RNF111: variants seen among roughly 807,000 people sequenced by gnomAD.
RNF111 encodes ring finger protein 111.
RNF111 carries 17 observed loss-of-function variants against 95.1 expected under a neutral mutation model. The observed-to-expected ratio is 0.18, with a 90% CI of 0.12 to 0.27. The LOEUF (loss-of-function observed/expected upper bound fraction) is 0.27, where lower values mean the gene tolerates loss of function less well. Ranked by LOEUF, RNF111 falls within the 10% of genes least tolerant of loss-of-function variation. The pLI is 1.00. For missense variants in RNF111, 1,189 were observed against 1,210.4 expected (o/e 0.98, Z 0.26); for synonymous variants, 440 against 414.8 (o/e 1.06, Z -0.74).
chr15:59,035,969 T>C (rs2041157051), intron 2 of RNF111, among the ~76,000 whole-genome samples: 1 of 152,224 alleles, frequency 6.6e-6, no homozygotes, highest in Admixed American at 6.5e-5. Context: ...TTTTCAGATA[T>C]CTTTACAGAA....
intron 1 of RNF111, among the ~76,000 whole-genome samples, chr15:59,012,221 G>T (rs2039858233): frequency 6.6e-6 from 1 of 151,908 alleles, no homozygotes; most frequent in Non-Finnish European, 1.5e-5. Flanking sequence ...GTTTCACTGT[G>T]TTGGCCAGGC....
chr15:58,997,121 G>C (rs2039110403), intron 1 of RNF111, among the ~76,000 whole-genome samples: 2 of 151,964 alleles, frequency 1.3e-5, no homozygotes, highest in South Asian at 2.1e-4. Flanking sequence ...TATATACAAA[G>C]TGTACCAAAT....
intron 1 of RNF111, among the ~76,000 whole-genome samples, chr15:59,001,217 A>G (rs1222264833): frequency 6.6e-6 from 1 of 152,034 alleles, no homozygotes; most frequent in Non-Finnish European, 1.5e-5. Flanking sequence ...CTGGGGCTTT[A>G]GTGGAGTAGG....
chr15:59,088,278 G>C (rs1161168747), intron 10 of RNF111, among the ~76,000 whole-genome samples: 1 of 152,162 alleles, frequency 6.6e-6, no homozygotes, highest in Non-Finnish European at 1.5e-5. Context: ...ATCCATAAAG[G>C]CTGGAGGAAA....
At chr15:59,067,362 C>A (rs1280152568) in intron 6 of RNF111, among the ~76,000 whole-genome samples, 1 of 151,850 alleles carries the variant, frequency 6.6e-6, no homozygotes, top group Non-Finnish European at 1.5e-5. Context: ...TTTCCCTTCC[C>A]CTTCCCCTTC....
At chr15:58,997,055 G>C (rs1037768124) in intron 1 of RNF111, among the ~76,000 whole-genome samples, 8 of 151,722 alleles carry the variant, frequency 5.3e-5, no homozygotes, top group Non-Finnish European at 5.9e-5. Flanking sequence ...TTTTTACTTA[G>C]TTTTCATGTC....
At chr15:59,055,933 T>G (rs2042183813) in intron 4 of RNF111, 88 bp downstream of exon 4, 1 of 975,424 alleles carries the variant, frequency 1.0e-6, no homozygotes, top group Non-Finnish European at 1.4e-6. Context: ...TCCTGCTTAC[T>G]GGTAATATAT....
chr15:59,032,820 A>G (rs1199023614), intron 2 of RNF111, among the ~76,000 whole-genome samples: 1 of 152,214 alleles, frequency 6.6e-6, no homozygotes, highest in Non-Finnish European at 1.5e-5. Flanking sequence ...TGATACATCA[A>G]TTAAAATTGG....
intron 12 of RNF111, 90 bp downstream of exon 12, chr15:59,091,244 G>A (rs2079044041): frequency 1.5e-6 from 1 of 688,584 alleles, no homozygotes; most frequent in Non-Finnish European, 2.4e-6. Context: ...CTCTAGCAAT[G>A]ACATTTTTAT....
intron 2 of RNF111, among the ~76,000 whole-genome samples, chr15:59,042,807 C>T (rs1229506869): frequency 6.6e-6 from 1 of 152,170 alleles, no homozygotes; most frequent in Non-Finnish European, 1.5e-5. Context: ...AGGAAGAACA[C>T]TCTTTTAATT....
chr15:59,077,733 C>T (rs2078607217), intron 7 of RNF111, among the ~76,000 whole-genome samples: 2 of 152,094 alleles, frequency 1.3e-5, no homozygotes, highest in Admixed American at 1.3e-4. Context: ...ATTGCTATGT[C>T]AGAGGGCTAA....
chr15:58,988,645 C>G (rs2038675889), intron 1 of RNF111, among the ~76,000 whole-genome samples: 1 of 152,214 alleles, frequency 6.6e-6, no homozygotes, highest in South Asian at 2.1e-4. Flanking sequence ...TTCAGTGCAG[C>G]AGAAATAGAT....
Position 59,081,186 on chromosome 15 carries a change from C to G in RNF111, c.2199C>G (p.His733Gln). The G allele has an allele frequency of 6.2e-7, 1 of 1,614,212 alleles. No homozygotes were observed. The highest frequency in any genetic ancestry group is 8.5e-7 in the Non-Finnish European group (1 of 1,180,042). ...HLPPTHQPIS[H>Q]HIPATAPPAQ... Reference sequence around the variant, plus strand: ...CTCCTACACACCAGCCAATTTCGCACCATATTCCAGCCACAGCACCTCCAG... The same window carrying G: ...CTCCTACACACCAGCCAATTTCGCAGCATATTCCAGCCACAGCACCTCCAG... Residue 733 changes from histidine to glutamine, a missense_variant, in exon 8 of 14, where the codon CAC becomes CAG. Physicochemically the swap from His to Gln is conservative, Grantham distance 24. Transcript: ENST00000348370.
chr15:59,065,489 C>G (rs2042616281), intron 5 of RNF111, among the ~76,000 whole-genome samples: 1 of 152,182 alleles, frequency 6.6e-6, no homozygotes, highest in African/African-American at 2.4e-5. Context: ...AATTTTATTA[C>G]CACATTTTAT....
At chr15:59,089,235 G>A (rs2140230681) in intron 10 of RNF111, among the ~76,000 whole-genome samples, 1 of 152,230 alleles carries the variant, frequency 6.6e-6, no homozygotes, top group East Asian at 1.9e-4. Context: ...TTAGAAAACA[G>A]TGTTAAAAGT....
rs575925041 is a variant in RNF111, at chr15:58,994,725, A to G, written c.-20+6657A>G. On this transcript the variant is annotated intron_variant, in intron 1 of 13. Coordinates refer to ENST00000348370, the MANE Select transcript of RNF111 (RefSeq NM_017610.8). ...ACCCATGACTTTAAGTGATCAGCCT[A>G]CTTCAGCCTCCCAAAGTGCTGGGGT... 7.4e-4 allele frequency among the ~76,000 whole-genome samples: 113 copies of G among 151,982 alleles called. 1 individual carries two copies. Among genetic ancestry groups the G allele is most frequent in the African/African-American group, 2.7e-3 (112 of 41,478 alleles).
At chr15:59,040,395 C>T (rs1025676092) in intron 2 of RNF111, among the ~76,000 whole-genome samples, 1 of 152,070 alleles carries the variant, frequency 6.6e-6, no homozygotes, top group Non-Finnish European at 1.5e-5. Flanking sequence ...TCCTCATTTG[C>T]TGCAATTACA....
At chr15:58,993,043 G>C (rs1334823272) in intron 1 of RNF111, among the ~76,000 whole-genome samples, 1 of 151,710 alleles carries the variant, frequency 6.6e-6, no homozygotes, top group East Asian at 1.9e-4. Context: ...GGTGGCGGGT[G>C]CTTGTAATCC....
intron 7 of RNF111, 122 bp downstream of exon 7, chr15:59,076,337 AG>A (rs2078561947): frequency 3.5e-6 from 4 of 1,146,982 alleles, no homozygotes; most frequent in Non-Finnish European, 4.9e-6. Flanking sequence ...GCTTAAGAGT[AG>A]GGTATATTTT....
Sources: gnomAD v4.1 joint callset for allele counts (sites outside exome capture counted in the v4.1 genomes callset) on GRCh38, gnomAD v4.1.1 for gene constraint, MANE v1.5 for transcripts, NCBI Gene and HGNC (gene_info 2026-07-23, HGNC 2026-07-21) for gene names.